Variants in PLCH2 observed in about 807,000 individuals in gnomAD.
PLCH2 encodes the protein 1-phosphatidylinositol 4,5-bisphosphate phosphodiesterase eta-2.
PLCH2 carries 98 observed loss-of-function variants against 134.7 expected under a neutral mutation model. The observed-to-expected ratio is 0.73, with a 90% CI of 0.62 to 0.86. The LOEUF is 0.86. Ranked by LOEUF, PLCH2 falls within the 40% of genes least tolerant of loss-of-function variation. PLCH2 has a pLI of 0.00. For missense variants in PLCH2, 1,994 were observed against 1,986.6 expected, an observed-to-expected ratio of 1.00 and a Z score of -0.07; for synonymous variants, 974 against 827.5, an observed-to-expected ratio of 1.18 and a Z score of -3.04.
At position 2,448,872 on chromosome 1, in the gene PLCH2, C is replaced by A. The variant is rs568376274; in HGVS notation, c.115+18243C>A. 6.6e-6 allele frequency among the ~76,000 whole-genome samples: 1 copy of A among 152,334 alleles called. No homozygotes were observed. The highest frequency in any genetic ancestry group is 2.1e-4 in the South Asian group (1 of 4,828). On this transcript the variant is annotated intron_variant, in intron 2 of 3. Transcript: ENST00000609981. The surrounding 1 kb of genome is among the most constrained non-coding windows in gnomAD (Gnocchi z 4.0). ...GGGAGCGGCTGCTCCTGGTTCCCAA[C>A]CACAAGTCACATCACTGCTGCCCCG...
chr1:2,491,113 T>C (rs1299229401), intron 10 of PLCH2, 79 bp from the exon 11 acceptor site: 6 of 1,393,992 alleles, frequency 4.3e-6, no homozygotes, highest in Non-Finnish European at 4.9e-6. Flanking sequence ...GGCAGAGTGC[T>C]GTGACCCTGG....
intron 2 of PLCH2, among the ~76,000 whole-genome samples, chr1:2,459,928 G>A (rs16824399): frequency 0.27 from 41,099 of 152,194 alleles, 5,823 homozygotes; most frequent in Admixed American, 0.37. Flanking sequence ...CGGTCCATGC[G>A]GCCAGTGGAA....
chr1:2,426,197 C>T (rs909152779), intron 1 of PLCH2, among the ~76,000 whole-genome samples: 23 of 152,324 alleles, frequency 1.5e-4, no homozygotes, highest in African/African-American at 4.8e-4. Flanking sequence ...CAGATGTCAG[C>T]GCGGGGAAGG....
rs757780340 is a variant in PLCH2, at chr1:2,478,532, G to A, written c.181G>A (p.Gly61Ser). Residue 61 changes from glycine to serine, a missense_variant, in exon 2 of 22, where the codon GGC becomes AGC. Transcript: ENST00000378486. ...GATGCAGATGGTGAAGCTGCGTGGCGGCTCCAAGGGCCTGGTCCGCTTCTA... is the reference window on the plus strand; with the variant it reads ...GATGCAGATGGTGAAGCTGCGTGGCAGCTCCAAGGGCCTGGTCCGCTTCTA... ...EGMQMVKLRG[G>S]SKGLVRFYYL... 49 of 1,612,704 alleles carry A rather than the reference G, an allele frequency of 3.0e-5. No individual in the cohort carries two copies. Among genetic ancestry groups the A allele is most frequent in the African/African-American group, 1.1e-4 (8 of 74,928 alleles).
chr1:2,429,402 C>T (rs1638958840), intron 1 of PLCH2, among the ~76,000 whole-genome samples: 1 of 152,164 alleles, frequency 6.6e-6, no homozygotes. Context: ...ACTCACCTCC[C>T]TGAGGGGCAG....
chr1:2,501,867 A>T (rs1044346504), intron 20 of PLCH2: 1 of 454,554 alleles, frequency 2.2e-6, no homozygotes, highest in African/African-American at 2.0e-5. Context: ...TTTCTGCCGG[A>T]AGGGTGGGGT....
chr1:2,502,568 C>T (rs1558038183), intron 21 of PLCH2, 159 bp downstream of exon 21: 2 of 813,556 alleles, frequency 2.5e-6, no homozygotes, highest in Non-Finnish European at 2.1e-6. Context: ...GAGGGAGCGG[C>T]CACCCAGCCC....
chr1:2,445,783 G>A lies in PLCH2; in HGVS notation c.115+15154G>A, dbSNP rs371064896. ...TGACATAATCTGCACGGCACACACG[G>A]ATTGCCGTAAGCCGCAGCAGCCAGG... is the stretch of plus-strand genomic sequence containing the variant. On this transcript the variant is annotated intron_variant, in intron 2 of 3. Coordinates refer to the PLCH2 transcript ENST00000609981. Among the ~76,000 whole-genome samples the A allele has an allele frequency of 7.9e-5, 12 of 152,346 alleles. No homozygotes were observed. The South Asian group carries it at 8.3e-4, about 11-fold the overall frequency.
intron 4 of PLCH2, among the ~76,000 whole-genome samples, chr1:2,480,856 G>C (rs1384393427): frequency 6.6e-6 from 1 of 152,238 alleles, no homozygotes; most frequent in East Asian, 1.9e-4. Context: ...TGCTGGGCCG[G>C]GGGAGAGAAA....
chr1:2,446,101 G>A (rs780003483), intron 2 of PLCH2, among the ~76,000 whole-genome samples: 4 of 152,196 alleles, frequency 2.6e-5, no homozygotes, highest in South Asian at 2.1e-4. Flanking sequence ...TTCCACCCCC[G>A]TCCTGCTTCC....
chr1:2,433,418 C>A (rs890304149), intron 2 of PLCH2, among the ~76,000 whole-genome samples: 2 of 152,192 alleles, frequency 1.3e-5, no homozygotes, highest in African/African-American at 4.8e-5. Flanking sequence ...GTGCTCCTGT[C>A]CCCTGGAGTA....
At chr1:2,457,729 G>A (rs568849041) in intron 2 of PLCH2, among the ~76,000 whole-genome samples, 44 of 152,156 alleles carry the variant, frequency 2.9e-4, no homozygotes, top group African/African-American at 7.5e-4. Context: ...GGCTCACCCC[G>A]AGTCCTGGCT....
intron 16 of PLCH2, 154 bp downstream of exon 16, chr1:2,497,763 C>A: frequency 1.8e-6 from 1 of 553,358 alleles, no homozygotes; most frequent in South Asian, 2.4e-5. Flanking sequence ...ACGAAGCTCC[C>A]AGGATGCTGG....
chr1:2,469,933 G>A (rs12089296), intron 1 of PLCH2, among the ~76,000 whole-genome samples: 3,181 of 152,266 alleles, frequency 0.021, 121 homozygotes, highest in African/African-American at 0.072. Context: ...TGTGGCTGAC[G>A]GTCACTGGAG....
In PLCH2 at chr1:2,489,779, A is replaced by G. The variant is rs1642468902; in HGVS notation, c.1427A>G (p.Asn476Ser). The G allele has an allele frequency of 6.2e-7, 1 of 1,613,614 alleles. No homozygotes were observed. Among genetic ancestry groups the G allele is most frequent in the African/African-American group, 1.3e-5 (1 of 75,064 alleles). ...CCCCAGGGGAAGAAGCTCCCAGCCA[A>G]CATCAGCGAGGATGCGGAGGAAGGC... is the stretch of plus-strand genomic sequence containing the variant. ...ILVKGKKLPA[N>S]ISEDAEEGEV... Residue 476 changes from asparagine (N) to serine (S), a missense_variant, in exon 10 of 22, where the codon AAC becomes AGC. Physicochemically the swap from Asn to Ser is conservative, Grantham distance 46. Coordinates refer to ENST00000378486, the MANE Select transcript of PLCH2 (RefSeq NM_014638.4).
chr1:2,495,126 T>C (rs1448004968), intron 12 of PLCH2, among the ~76,000 whole-genome samples, 178 bp downstream of exon 12: 1 of 152,172 alleles, frequency 6.6e-6, no homozygotes, highest in African/African-American at 2.4e-5. Context: ...GTTCCCAGCC[T>C]GGCTCACAGG....
intron 6 of PLCH2, 65 bp downstream of exon 6, chr1:2,487,065 C>G: frequency 2.0e-6 from 3 of 1,514,364 alleles, no homozygotes; most frequent in Non-Finnish European, 2.7e-6. Flanking sequence ...AGGGCCCAAC[C>G]TGTGGGCCGG....
upstream of PLCH2, among the ~76,000 whole-genome samples, chr1:2,472,200 C>T (rs764683355): frequency 3.3e-5 from 5 of 152,188 alleles, no homozygotes; most frequent in South Asian, 2.1e-4. Flanking sequence ...CCCAGACGTG[C>T]GGGGGGACAA....
At chr1:2,429,785 C>G (rs529464406) in intron 1 of PLCH2, among the ~76,000 whole-genome samples, 36 of 152,296 alleles carry the variant, frequency 2.4e-4, no homozygotes, top group African/African-American at 8.7e-4. Flanking sequence ...GCCCGCCATG[C>G]CTGTGGCTCC....
Sources: gnomAD v4.1 joint callset for allele counts (sites outside exome capture counted in the v4.1 genomes callset) on GRCh38, gnomAD v4.1.1 for gene constraint, Gnocchi (gnomAD v3.1) non-coding constraint, MANE v1.5 for transcripts, NCBI Gene and HGNC (gene_info 2026-07-23, HGNC 2026-07-21) for gene names.